BRWD3: variants seen among roughly 807,000 people sequenced by gnomAD.
BRWD3 encodes bromodomain and WD repeat-containing protein 3.
In BRWD3, 10 loss-of-function variants were observed where a neutral mutation model predicts 149.7. The ratio of observed to expected loss-of-function variants is 0.07; its 90% CI spans 0.04 to 0.11. The LOEUF (loss-of-function observed/expected upper bound fraction) is 0.11, where lower values mean the gene tolerates loss of function less well. Among genes scored for constraint, BRWD3 ranks in the 10% least tolerant of loss-of-function variants. The probability of loss-of-function intolerance (pLI) is 1.00; values close to 1 mark genes in which losing one functional copy is unlikely to be tolerated. For missense variants in BRWD3, 940 were observed against 1,373.2 expected, an observed-to-expected ratio of 0.68 and a Z score of 4.99; for synonymous variants, 504 against 456.7, an observed-to-expected ratio of 1.10 and a Z score of -1.32.
intron 6 of BRWD3, among the ~76,000 whole-genome samples, chrX:80,781,824 A>G (rs2074060245): frequency 9.0e-6 from 1 of 111,418 alleles, no homozygotes; most frequent in Non-Finnish European, 1.9e-5. Flanking sequence ...GATCTCTACA[A>G]TGAAAACTAT....
At position 80,740,730 on chromosome X, in the gene BRWD3, CAACAAAACAA is replaced by C. The variant is rs749987503; in HGVS notation, c.813+3292_813+3301del. On this transcript the variant is annotated intron_variant, in intron 8 of 40. Transcript: ENST00000373275. ...CACCACTGCACTCCAGCATGGGTGA[CAACAAAACAA>C]AACAAAACAAAACACATCAAATTGA... is the stretch of plus-strand genomic sequence containing the variant. Among the ~76,000 whole-genome samples the C allele has an allele frequency of 1.9e-3, 214 of 111,307 alleles. 2 individuals carry two copies. The highest frequency in any genetic ancestry group is 6.8e-3 in the African/African-American group (209 of 30,613).
At chrX:80,706,121 T>C (rs1382728338) in intron 22 of BRWD3, among the ~76,000 whole-genome samples, 1 of 111,713 alleles carries the variant, frequency 9.0e-6, no homozygotes, top group Non-Finnish European at 1.9e-5. Flanking sequence ...TTTTTTTTTT[T>C]CCTTGAGACA....
chrX:80,786,797 A>C (rs1305768379), intron 6 of BRWD3, among the ~76,000 whole-genome samples: 3 of 112,347 alleles, frequency 2.7e-5, no homozygotes, highest in African/African-American at 9.7e-5. Context: ...GGCGTAAGCC[A>C]CAGCGCCCAG....
chrX:80,779,541 T>C (rs761759049), intron 6 of BRWD3, among the ~76,000 whole-genome samples: 180 of 110,596 alleles, frequency 1.6e-3, no homozygotes, highest in Middle Eastern at 4.6e-3. Flanking sequence ...TGGGCAACCC[T>C]GTCTCTACAA....
chrX:80,741,715 G>A (rs1029933941), intron 8 of BRWD3, among the ~76,000 whole-genome samples: 3 of 112,202 alleles, frequency 2.7e-5, no homozygotes, highest in Non-Finnish European at 5.6e-5. Flanking sequence ...CTTCTTTTGA[G>A]AAGTGTCTCT....
At chrX:80,800,878 A>G (rs2074287237) in intron 4 of BRWD3, among the ~76,000 whole-genome samples, 1 of 110,996 alleles carries the variant, frequency 9.0e-6, no homozygotes, top group Non-Finnish European at 1.9e-5. Flanking sequence ...TCTTTTTATT[A>G]GTTTTAAGAT....
intron 6 of BRWD3, among the ~76,000 whole-genome samples, chrX:80,764,076 G>T (rs1363076385): frequency 8.9e-6 from 1 of 112,024 alleles, no homozygotes; most frequent in Non-Finnish European, 1.9e-5. Context: ...TTTCTTAACT[G>T]ATTTTTAACA....
rs753636133 is a variant in BRWD3, at chrX:80,785,618, CAA to C, written c.430+6234_430+6235del. On this transcript the variant is annotated intron_variant, in intron 6 of 40. Transcript: ENST00000373275. ...AGGTCAGAATTTTATTGTTTTTGGC[CAA>C]AGTCTGTTGTAAAACTTTCATAGAA... 3.0e-3 allele frequency among the ~76,000 whole-genome samples: 337 copies of C among 112,074 alleles called. 2 individuals carry two copies. The highest frequency in any genetic ancestry group is 0.01 in the African/African-American group (316 of 30,867).
chrX:80,696,810 T>A lies in BRWD3; in HGVS notation c.2997A>T (p.Thr999=). Residue 999 remains threonine, a synonymous_variant, in exon 26 of 41, where the codon ACA becomes ACT. Transcript: ENST00000373275. ...VGIKYEVGPP[T]LCCLKLAFLD... is the part of the protein sequence containing the mutation. Reference sequence around the variant, plus strand: ...GAAATGCAAGCTTCAAGCAGCACAGTGTGGGTGGGCCAACCTCATATTTGA... The same window carrying A: ...GAAATGCAAGCTTCAAGCAGCACAGAGTGGGTGGGCCAACCTCATATTTGA... The A allele has an allele frequency of 8.3e-7, 1 of 1,208,735 alleles. No homozygotes were observed. The highest frequency in any genetic ancestry group is 1.1e-6 in the Non-Finnish European group (1 of 892,823).
At chrX:80,744,974 G>A (rs2073570039) in intron 7 of BRWD3, among the ~76,000 whole-genome samples, 1 of 111,203 alleles carries the variant, frequency 9.0e-6, no homozygotes, top group East Asian at 2.8e-4. Context: ...ATAAAATTAT[G>A]CTATTATCCA....
At chrX:80,789,975 T>A (rs1307551333) in intron 6 of BRWD3, among the ~76,000 whole-genome samples, 1 of 107,042 alleles carries the variant, frequency 9.3e-6, no homozygotes, top group Non-Finnish European at 1.9e-5. Context: ...GGCCAGGAGT[T>A]CAAGACCAGC....
intron 20 of BRWD3, among the ~76,000 whole-genome samples, chrX:80,713,781 T>A (rs770832206): frequency 1.8e-5 from 2 of 111,521 alleles, no homozygotes; most frequent in East Asian, 5.6e-4. Context: ...ATACAAAAAG[T>A]AACAATTTAA....
At position 80,716,150 on chromosome X, in the gene BRWD3, T is replaced by C; in HGVS notation, c.2325+7A>G. The stretch of plus-strand genomic sequence containing the variant: ...TGTATCCCAAAGTATTGTAAAACTA[T>C]ACTTACCCTTTGAGTAGTGTAAGAT... On this transcript the variant is annotated splice_region_variant and intron_variant, in intron 20 of 40. Coordinates refer to ENST00000373275, the MANE Select transcript of BRWD3 (RefSeq NM_153252.5). 1 of 1,170,943 alleles carries C rather than the reference T, an allele frequency of 8.5e-7. No individual in the cohort carries two copies. The highest frequency in any genetic ancestry group is 1.2e-6 in the Non-Finnish European group (1 of 858,884).
chrX:80,679,805 C>T (rs1289054800), intron 40 of BRWD3, among the ~76,000 whole-genome samples: 1 of 105,103 alleles, frequency 9.5e-6, no homozygotes, highest in African/African-American at 3.4e-5. Context: ...GAAGGGTGGT[C>T]GGGACAGACA....
At chrX:80,726,362 T>C (rs753590279) in intron 14 of BRWD3, among the ~76,000 whole-genome samples, 2 of 85,004 alleles carry the variant, frequency 2.4e-5, no homozygotes, top group Non-Finnish European at 4.3e-5. Flanking sequence ...ACATATAACA[T>C]GTTTACATGT....
chrX:80,751,981 CATTATT>C (rs199879142), intron 6 of BRWD3, among the ~76,000 whole-genome samples: 46,969 of 87,536 alleles, frequency 0.54, 12,176 homozygotes, highest in Non-Finnish European at 0.72. Context: ...ATTCATATTT[CATTATT>C]ATTATTATTA....
At chrX:80,744,322 G>T in intron 7 of BRWD3, 69 bp from the exon 8 acceptor site, 2 of 812,479 alleles carry the variant, frequency 2.5e-6, no homozygotes, top group Non-Finnish European at 1.9e-6. Context: ...CCAAAAAATA[G>T]CCAAAAAGAA....
In BRWD3 at chrX:80,670,707, A is replaced by C. The variant is rs1334239078; in HGVS notation, c.*5902T>G. ...AATGCTGAGATTATAAACGTGAGTCACTGTGCCTGGCCTTAACCAAAAATT... is the reference window on the plus strand; with the variant it reads ...AATGCTGAGATTATAAACGTGAGTCCCTGTGCCTGGCCTTAACCAAAAATT... On this transcript the variant is annotated 3_prime_UTR_variant, in exon 41 of 41. Coordinates refer to ENST00000373275, the MANE Select transcript of BRWD3 (RefSeq NM_153252.5). The C allele has an allele frequency of 9.0e-6, 1 of 111,498 alleles. No individual in the cohort carries two copies. The highest frequency in any genetic ancestry group is 3.3e-5 in the African/African-American group (1 of 30,651). 9.2% of individuals were successfully genotyped at this position (111,498 alleles called of 1,213,427 possible). A position where few individuals can be genotyped will look rare whatever the true frequency, so the allele number is the denominator to read the frequency against.
chrX:80,690,961 T>C, intron 31 of BRWD3, 92 bp downstream of exon 31: 3 of 1,035,025 alleles, frequency 2.9e-6, no homozygotes, highest in Non-Finnish European at 4.0e-6. Context: ...TTTTGGATGA[T>C]CATGTTATAC....
Sources: gnomAD v4.1 joint callset for allele counts (sites outside exome capture counted in the v4.1 genomes callset) on GRCh38, gnomAD v4.1.1 for gene constraint, MANE v1.5 for transcripts, NCBI Gene and HGNC (gene_info 2026-07-23, HGNC 2026-07-21) for gene names.